The following ASIC2 variants were observed in gnomAD, a reference collection of about 807,000 sequenced individuals.
The protein encoded by ASIC2 is acid-sensing ion channel 2.
ASIC2 carries 25 observed loss-of-function variants against 57.3 expected under a neutral mutation model. The ratio of observed to expected loss-of-function variants is 0.44; its 90% CI spans 0.32 to 0.61. The LOEUF (loss-of-function observed/expected upper bound fraction) is 0.61. Among genes scored for constraint, ASIC2 ranks in the 20% least tolerant of loss-of-function variants. The pLI is 0.06. For missense variants in ASIC2, 641 were observed against 738.1 expected (o/e 0.87, Z 1.52); for synonymous variants, 319 against 307.5 (o/e 1.04, Z -0.39).
intron 1 of ASIC2, among the ~76,000 whole-genome samples, chr17:33,469,318 A>G (rs1410011467): frequency 6.6e-6 from 1 of 152,106 alleles, no homozygotes; most frequent in Admixed American, 6.5e-5. Context: ...AGCCAGGCCA[A>G]CCCAAGGGCA....
At chr17:33,481,265 G>A (rs529967275) in intron 1 of ASIC2, among the ~76,000 whole-genome samples, 8 of 152,098 alleles carry the variant, frequency 5.3e-5, no homozygotes, top group East Asian at 1.9e-4. Flanking sequence ...TTTTTCTCAC[G>A]CGTGCTTACT....
chr17:34,155,858 G>A, intron 1 of ASIC2: 1 of 1,182,446 alleles, frequency 8.5e-7, no homozygotes, highest in Middle Eastern at 2.8e-4. Context: ...TGGCCTTCAG[G>A]TGAGGCACTG....
At chr17:33,831,108 A>G (rs1189798172) in intron 1 of ASIC2, among the ~76,000 whole-genome samples, 1 of 13,620 alleles carries the variant, frequency 7.3e-5, no homozygotes, top group Non-Finnish European at 1.6e-4. Flanking sequence ...GGCTCTGTCA[A>G]AAAAAAAAAA....
chr17:33,675,057 G>C lies in ASIC2; in HGVS notation c.555+480921C>G, dbSNP rs577423385. 2.0e-5 allele frequency among the ~76,000 whole-genome samples: 3 copies of C among 152,202 alleles called. No individual in the cohort carries two copies. In the South Asian group the frequency reaches 6.2e-4, roughly 31 times the overall value. On this transcript the variant is annotated intron_variant, in intron 1 of 9. Transcript: ENST00000359872. The stretch of plus-strand genomic sequence containing the variant: ...ACACAATAGTTACACAAATAAAAGC[G>C]TCCGCCTTCTGGTGTTGTGGAGATT...
intron 1 of ASIC2, among the ~76,000 whole-genome samples, chr17:33,266,639 C>G (rs781167532): frequency 5.4e-5 from 8 of 149,520 alleles, no homozygotes; most frequent in African/African-American, 2.0e-4. Context: ...TCCGCACAAC[C>G]GTGGCTGCCC....
rs1017886638 is a variant in ASIC2, at chr17:33,186,939, G to A, written c.709-74872C>T. 3.3e-5 allele frequency among the ~76,000 whole-genome samples: 5 copies of A among 152,246 alleles called. No individual in the cohort carries two copies. In the East Asian group the frequency reaches 9.6e-4, roughly 29 times the overall value. On this transcript the variant is annotated intron_variant, in intron 1 of 9. Coordinates refer to ENST00000225823, the MANE Select transcript of ASIC2 (RefSeq NM_183377.2). ...CCATTTCTAGATCAGATTGTGATGT[G>A]CGACGAAAAGTGGATTTTATACAAC... is the stretch of plus-strand genomic sequence containing the variant.
At position 33,069,467 on chromosome 17, in the gene ASIC2, A is replaced by AT. The variant is rs202127236; in HGVS notation, c.987+19395dup. ...TCCAGGCATAATTGTGGATTTGTTG[A>AT]TTTTTTTTTGCAGTTCTATCAGTTT... On this transcript the variant is annotated intron_variant, in intron 3 of 9. Coordinates refer to ENST00000225823, the MANE Select transcript of ASIC2 (RefSeq NM_183377.2). Among the ~76,000 whole-genome samples the AT allele has an allele frequency of 2.1e-4, 32 of 151,074 alleles. No individual in the cohort carries two copies. The South Asian group carries it at 3.4e-3, about 16-fold the overall frequency.
chr17:33,305,479 C>T (rs8075317), intron 1 of ASIC2, among the ~76,000 whole-genome samples: 3,089 of 152,234 alleles, frequency 0.02, 107 homozygotes, highest in African/African-American at 0.071. Flanking sequence ...AGGCTTAAGA[C>T]GTAAGAATAC....
At chr17:33,956,446 C>G (rs981926289) in intron 1 of ASIC2, among the ~76,000 whole-genome samples, 11 of 152,156 alleles carry the variant, frequency 7.2e-5, no homozygotes, top group Non-Finnish European at 1.5e-4. Context: ...CACGGAAGCT[C>G]TGAACCCAAT....
rs150592728 is a variant in ASIC2, at chr17:33,088,878, G to T, written c.972C>A (p.Ala324=). ...GGGAACTTACCCTCTGCTCCTGTGT[G>T]GCCACAAAGGTCTGGAACCCTGGAG... is the stretch of plus-strand genomic sequence containing the variant. ...GVAPGFQTFV[A]TQEQRLTYLP... The change falls in exon 3 of 10, where the codon GCC becomes GCA. Residue 324 remains alanine, a synonymous_variant. Transcript: ENST00000225823. 130 of 1,613,208 alleles carry T rather than the reference G, an allele frequency of 8.1e-5. No homozygotes were observed. The Middle Eastern group carries it at 8.4e-4, about 10-fold the overall frequency.
At chr17:33,578,888 C>G (rs1475402903) in intron 1 of ASIC2, among the ~76,000 whole-genome samples, 1 of 152,180 alleles carries the variant, frequency 6.6e-6, no homozygotes, top group Non-Finnish European at 1.5e-5. Context: ...CGTGGTAAAA[C>G]CCTGCCACAG....
At chr17:33,336,752 T>C (rs138660715) in intron 1 of ASIC2, among the ~76,000 whole-genome samples, 4,188 of 152,280 alleles carry the variant, frequency 0.028, 70 homozygotes, top group Non-Finnish European at 0.042. Flanking sequence ...TCTTTCTCTC[T>C]GGCTAGACTC....
chr17:33,194,155 C>T (rs1906536008), intron 1 of ASIC2, among the ~76,000 whole-genome samples: 1 of 152,190 alleles, frequency 6.6e-6, no homozygotes, highest in African/African-American at 2.4e-5. Flanking sequence ...CCATGAACTT[C>T]CCAAGCCTCC....
rs1908230696 is a variant in ASIC2 at position 33,352,685 on chromosome 17, C to T, written c.556-240618G>A. 2.0e-5 allele frequency among the ~76,000 whole-genome samples: 3 copies of T among 152,208 alleles called. No individual in the cohort carries two copies. The South Asian group carries it at 6.2e-4, about 31-fold the overall frequency. On this transcript the variant is annotated intron_variant, in intron 1 of 9. Coordinates refer to the ASIC2 transcript ENST00000359872. ...GTTCTCCATGACTGACTCCTGCTGC[C>T]TTCCTTGCTGGCCTCCACACCACCC...
chr17:33,178,616 C>A (rs1239338064), intron 1 of ASIC2, among the ~76,000 whole-genome samples: 1 of 152,046 alleles, frequency 6.6e-6, no homozygotes, highest in African/African-American at 2.4e-5. Context: ...GGGTGGGCAC[C>A]CAGGCAGAGA....
chr17:33,505,216 A>G (rs2141944623), intron 1 of ASIC2, among the ~76,000 whole-genome samples: 1 of 152,244 alleles, frequency 6.6e-6, no homozygotes, highest in Non-Finnish European at 1.5e-5. Flanking sequence ...CTGAGATTCC[A>G]GAGGGTCAGA....
At chr17:33,558,124 G>T (rs1915964475) in intron 1 of ASIC2, among the ~76,000 whole-genome samples, 1 of 151,894 alleles carries the variant, frequency 6.6e-6, no homozygotes, top group Non-Finnish European at 1.5e-5. Context: ...CACAGGGTTG[G>T]TGGGTTTCTC....
At chr17:33,191,374 T>TG (rs1567779083) in intron 1 of ASIC2, among the ~76,000 whole-genome samples, 1 of 151,882 alleles carries the variant, frequency 6.6e-6, no homozygotes, top group African/African-American at 2.4e-5. Flanking sequence ...CTTTGTTGGG[T>TG]GGGGGGTAAT....
rs1416715824 is a variant in ASIC2, at chr17:33,942,242, A to G, written c.555+213736T>C. Among the ~76,000 whole-genome samples the G allele has an allele frequency of 5.9e-5, 9 of 152,260 alleles. No individual in the cohort carries two copies. The South Asian group carries it at 1.7e-3, about 28-fold the overall frequency. ...ATCCAAGTGTCACAGTCACAGCTTG[A>G]TAGGTGGGTTCCTGCAGCAGCAGCA... On this transcript the variant is annotated intron_variant, in intron 1 of 9. Coordinates refer to the ASIC2 transcript ENST00000359872.
Sources: allele counts gnomAD v4.1 joint callset (sites outside exome capture counted in the v4.1 genomes callset), GRCh38; gene constraint gnomAD v4.1.1; transcripts MANE v1.5; gene names NCBI Gene and HGNC (gene_info 2026-07-23, HGNC 2026-07-21).